The following DUSP29 variants were observed in gnomAD, a reference collection of about 807,000 sequenced individuals.
The protein encoded by DUSP29 is dual specificity phosphatase 29, also known as atypical dual-specific protein phosphatase.
DUSP29 carries 12 observed loss-of-function variants against 13.5 expected under a neutral mutation model. The ratio of observed to expected loss-of-function variants is 0.89; its 90% confidence interval spans 0.57 to 1.44. The LOEUF is 1.44. Among genes scored for constraint, DUSP29 ranks in the 40% most tolerant of loss-of-function variants. The pLI is 0.00. For missense variants in DUSP29, 308 were observed against 301.1 expected (o/e 1.02, Z -0.17); for synonymous variants, 134 against 128.7 (o/e 1.04, Z -0.28).
chr10:75,050,057 G>GACA lies in DUSP29; in HGVS notation c.201-6043_201-6041dup, dbSNP rs1158118835. Among the ~76,000 whole-genome samples the GACA allele has an allele frequency of 4.6e-5, 7 of 152,300 alleles. No individual in the cohort carries two copies. The South Asian group carries it at 1.5e-3, about 32-fold the overall frequency. ...AACCTCACCCTGGCACTGGCTCTCCGACACCCGCATTGTGGAGAGGGAAGA... is the reference window on the plus strand; with the variant it reads ...AACCTCACCCTGGCACTGGCTCTCCGACAACACCCGCATTGTGGAGAGGGAAGA... On this transcript the variant is annotated intron_variant, in intron 2 of 3. Coordinates refer to ENST00000338487, the MANE Select transcript of DUSP29 (RefSeq NM_001003892.3).
intron 2 of DUSP29, among the ~76,000 whole-genome samples, chr10:75,050,544 C>T (rs1846803842): frequency 6.6e-6 from 1 of 152,228 alleles, no homozygotes; most frequent in Non-Finnish European, 1.5e-5. Flanking sequence ...AGGGAACCTT[C>T]GAAATCATCC....
chr10:75,071,429 C>G (rs1050187992), intron 1 of DUSP29, among the ~76,000 whole-genome samples: 2 of 152,160 alleles, frequency 1.3e-5, no homozygotes, highest in South Asian at 4.1e-4. Context: ...TGCTCACAGC[C>G]CAGCCCCTGG....
chr10:75,062,482 C>T (rs150266027), intron 1 of DUSP29, among the ~76,000 whole-genome samples: 8 of 152,292 alleles, frequency 5.3e-5, no homozygotes, highest in East Asian at 1.9e-4. Context: ...CTGAAAGCCT[C>T]GGCTGGATTT....
At chr10:75,057,226 G>T (rs539935314) in intron 2 of DUSP29, among the ~76,000 whole-genome samples, 111 of 152,054 alleles carry the variant, frequency 7.3e-4, no homozygotes, top group African/African-American at 2.7e-3. Context: ...GTGAGCCGAG[G>T]TCACACCACT....
intron 1 of DUSP29, among the ~76,000 whole-genome samples, chr10:75,069,394 C>T (rs560512655): frequency 2.1e-4 from 32 of 152,280 alleles, no homozygotes; most frequent in Admixed American, 1.2e-3. Flanking sequence ...GGCCTTCACT[C>T]CCTCTGAAGA....
intron 2 of DUSP29, among the ~76,000 whole-genome samples, chr10:75,046,790 G>T (rs1846717039): frequency 6.6e-6 from 1 of 152,196 alleles, no homozygotes; most frequent in African/African-American, 2.4e-5. Flanking sequence ...TATGCTTTGG[G>T]GACGTAGATC....
At chr10:75,069,345 T>TGGAGACCCA (rs1847270719) in intron 1 of DUSP29, among the ~76,000 whole-genome samples, 1 of 152,228 alleles carries the variant, frequency 6.6e-6, no homozygotes, top group Non-Finnish European at 1.5e-5. Flanking sequence ...CCATGATGTC[T>TGGAGACCCA]GACCAGGCCC....
intron 3 of DUSP29, among the ~76,000 whole-genome samples, chr10:75,042,014 TGAG>T (rs2134281073): frequency 6.6e-6 from 1 of 152,350 alleles, no homozygotes; most frequent in Admixed American, 6.5e-5. Context: ...TTTTTTTCTT[TGAG>T]GATTGGAAAC....
At chr10:75,055,385 C>T (rs1056269544) in intron 2 of DUSP29, among the ~76,000 whole-genome samples, 4 of 152,016 alleles carry the variant, frequency 2.6e-5, no homozygotes, top group African/African-American at 7.3e-5. Flanking sequence ...CTTACAGAAA[C>T]GTGCAAATAT....
intron 2 of DUSP29, among the ~76,000 whole-genome samples, chr10:75,046,357 T>C (rs1474447845): frequency 1.3e-5 from 2 of 152,098 alleles, no homozygotes; most frequent in African/African-American, 2.4e-5. Context: ...AAAAGTGGCA[T>C]TGCACTCCAG....
intron 3 of DUSP29, among the ~76,000 whole-genome samples, chr10:75,042,244 G>C (rs1589856391): frequency 6.6e-6 from 1 of 152,258 alleles, no homozygotes; most frequent in South Asian, 2.1e-4. Context: ...TTAGTAAATT[G>C]TGTGACAGAA....
chr10:75,039,710 C>G (rs1413202201), intron 3 of DUSP29, among the ~76,000 whole-genome samples: 1 of 152,196 alleles, frequency 6.6e-6, no homozygotes, highest in Non-Finnish European at 1.5e-5. Flanking sequence ...TGCTTTCTGC[C>G]CATCTCCCAT....
rs117695484 is a variant in DUSP29 at position 75,042,646 on chromosome 10, C to T, written c.421+1151G>A. On this transcript the variant is annotated intron_variant, in intron 3 of 3. Transcript: ENST00000338487. Reference sequence around the variant, plus strand: ...CAAAATAATGACAAATTGTTGGTGGCTATGGTTGGCTGTGGGGCCAGGGCC... The same window carrying T: ...CAAAATAATGACAAATTGTTGGTGGTTATGGTTGGCTGTGGGGCCAGGGCC... Among the ~76,000 whole-genome samples, 498 of 152,316 alleles carry T rather than the reference C, an allele frequency of 3.3e-3. 2 individuals carry two copies. Among genetic ancestry groups the T allele is most frequent in the Admixed American group, 6.5e-3 (100 of 15,312 alleles).
rs565114388 is a variant in DUSP29, at chr10:75,060,538, T to G, written c.-34-1990A>C. 1.5e-4 allele frequency among the ~76,000 whole-genome samples: 23 copies of G among 152,276 alleles called. No homozygotes were observed. The East Asian group carries it at 4.0e-3, about 27-fold the overall frequency. ...GATGTTTGGGAACCAGCTCCTTATT[T>G]TGAAGATGGATAGATAAAGGAGAAG... On this transcript the variant is annotated intron_variant, in intron 1 of 3. Coordinates refer to ENST00000338487, the MANE Select transcript of DUSP29 (RefSeq NM_001003892.3).
At chr10:75,047,892 T>A (rs11001259) in intron 2 of DUSP29, among the ~76,000 whole-genome samples, 18,371 of 152,258 alleles carry the variant, frequency 0.12, 1,540 homozygotes, top group Non-Finnish European at 0.19. Context: ...TAGATTTGTA[T>A]ATTTTATAGA....
At chr10:75,070,065 AGAAGAAAGGAAG>A (rs1372393330) in intron 1 of DUSP29, among the ~76,000 whole-genome samples, 10 of 134,654 alleles carry the variant, frequency 7.4e-5, no homozygotes, top group Admixed American at 3.2e-4. Context: ...AAAGAAAGAA[AGAAGAAAGGAAG>A]GAAGGAAGGA....
At chr10:75,066,871 C>T (rs1166327409) in intron 1 of DUSP29, among the ~76,000 whole-genome samples, 3 of 152,256 alleles carry the variant, frequency 2.0e-5, no homozygotes, top group Non-Finnish European at 2.9e-5. Flanking sequence ...TCATCCTAGC[C>T]GCCTGTGCCT....
At chr10:75,055,615 G>A (rs549463352) in intron 2 of DUSP29, among the ~76,000 whole-genome samples, 2 of 152,284 alleles carry the variant, frequency 1.3e-5, no homozygotes, top group Admixed American at 6.5e-5. Context: ...ACTGTTTAGT[G>A]GGTTCAGGGT....
intron 3 of DUSP29, 31 bp from the exon 4 acceptor site, chr10:75,038,108 C>A (rs1360902058): frequency 1.9e-6 from 3 of 1,596,314 alleles, no homozygotes; most frequent in South Asian, 1.1e-5. Flanking sequence ...AGAAAACCCA[C>A]ACTGAGGGGC....
Sources: allele counts gnomAD v4.1 joint callset (sites outside exome capture counted in the v4.1 genomes callset), GRCh38; gene constraint gnomAD v4.1.1; transcripts MANE v1.5; gene names NCBI Gene and HGNC (gene_info 2026-07-23, HGNC 2026-07-21).